Variants in UBE2R2 observed in about 807,000 individuals in gnomAD.
UBE2R2 encodes ubiquitin-conjugating enzyme E2 R2.
UBE2R2 carries 1 observed loss-of-function variant against 27.8 expected under a neutral mutation model. That is an observed-to-expected ratio of 0.04 (90% CI 0.01 to 0.17). The LOEUF is 0.17. Among genes scored for constraint, UBE2R2 ranks in the 10% least tolerant of loss-of-function variants. The pLI is 1.00. For synonymous variants in UBE2R2, 106 were observed against 113.3 expected, an observed-to-expected ratio of 0.94 and a Z score of 0.41; for missense variants, 100 against 291.0, an observed-to-expected ratio of 0.34 and a Z score of 4.78.
intron 1 of UBE2R2, among the ~76,000 whole-genome samples, chr9:33,869,791 AG>A (rs1821445356): frequency 6.6e-6 from 1 of 152,014 alleles, no homozygotes; most frequent in Non-Finnish European, 1.5e-5. Flanking sequence ...TATGCATTTT[AG>A]GGTACATCTT....
rs78944198 is a variant in UBE2R2 at position 33,895,744 on chromosome 9, A to G, written c.265-4430A>G. 4.9e-3 allele frequency among the ~76,000 whole-genome samples: 707 copies of G among 144,940 alleles called. 2 individuals carry two copies. Among genetic ancestry groups the G allele is most frequent in the Non-Finnish European group, 8.2e-3 (542 of 65,948 alleles). ...ACGTACAAGTCTTTTCCCTTCCATG[A>G]CTAGATTTATTCTCTCTCTCTCTCT... is the stretch of plus-strand genomic sequence containing the variant. On this transcript the variant is annotated intron_variant, in intron 2 of 4. Transcript: ENST00000263228.
At chr9:33,851,219 T>C (rs1723216329) in intron 1 of UBE2R2, among the ~76,000 whole-genome samples, 1 of 152,186 alleles carries the variant, frequency 6.6e-6, no homozygotes, top group Non-Finnish European at 1.5e-5. Flanking sequence ...AAAGAACTAT[T>C]TTCCTGAACC....
chr9:33,818,546 A>AAC (rs1554669839), intron 1 of UBE2R2: 10,328 of 145,422 alleles, frequency 0.071, 573 homozygotes, highest in Non-Finnish European at 0.11. Flanking sequence ...AAAAAAAAAA[A>AAC]AAAAAAGGGT....
chr9:33,908,646 T>C (rs1822417351), intron 3 of UBE2R2, among the ~76,000 whole-genome samples: 1 of 152,200 alleles, frequency 6.6e-6, no homozygotes, highest in South Asian at 2.1e-4. Flanking sequence ...TTTTGTTAGA[T>C]ATGGATGATT....
At chr9:33,856,719 TC>T (rs1377996845) in intron 1 of UBE2R2, among the ~76,000 whole-genome samples, 5 of 151,586 alleles carry the variant, frequency 3.3e-5, no homozygotes, top group South Asian at 2.1e-4. Flanking sequence ...TTTTTTTTTT[TC>T]TTTCCATTTT....
intron 2 of UBE2R2, among the ~76,000 whole-genome samples, chr9:33,899,042 GGTTTATAT>G (rs1415633975): frequency 1.3e-5 from 2 of 152,058 alleles, no homozygotes; most frequent in Non-Finnish European, 2.9e-5. Context: ...GCATATTTTT[GGTTTATAT>G]AAGTCATGGT....
rs528398460 is a variant in UBE2R2, at chr9:33,829,003, G to A, written c.177+11069G>A. 2.6e-5 allele frequency among the ~76,000 whole-genome samples: 4 copies of A among 152,208 alleles called. No individual in the cohort carries two copies. In the South Asian group the frequency reaches 8.3e-4, roughly 32 times the overall value. Reference sequence around the variant, plus strand: ...GCCTGCCTCAGCCTCCCAAAGTTCTGGGATTACAAGTGTGAGCCACCATGC... The same window carrying A: ...GCCTGCCTCAGCCTCCCAAAGTTCTAGGATTACAAGTGTGAGCCACCATGC... On this transcript the variant is annotated intron_variant, in intron 1 of 4. Transcript: ENST00000263228.
chr9:33,822,219 G>A (rs1379468942), intron 1 of UBE2R2, among the ~76,000 whole-genome samples: 1 of 151,616 alleles, frequency 6.6e-6, no homozygotes, highest in African/African-American at 2.4e-5. Flanking sequence ...AGCCTCCTGA[G>A]TAGCTGGGAT....
intron 1 of UBE2R2, among the ~76,000 whole-genome samples, chr9:33,824,848 A>G (rs940607774): frequency 1.3e-4 from 20 of 151,966 alleles, no homozygotes; most frequent in African/African-American, 4.1e-4. Flanking sequence ...AAGTCTTGTA[A>G]TTGCCATCAG....
At chr9:33,905,725 C>T (rs1822339018) in intron 3 of UBE2R2, among the ~76,000 whole-genome samples, 1 of 152,180 alleles carries the variant, frequency 6.6e-6, no homozygotes, top group Non-Finnish European at 1.5e-5. Context: ...TATTCTTTGT[C>T]ATGATGTCCT....
At chr9:33,861,732 TGAA>T (rs1821241151) in intron 1 of UBE2R2, among the ~76,000 whole-genome samples, 1 of 152,178 alleles carries the variant, frequency 6.6e-6, no homozygotes, top group Non-Finnish European at 1.5e-5. Flanking sequence ...AAGGTAAACT[TGAA>T]TGTTTTTTGA....
At chr9:33,904,791 G>A (rs1486920298) in intron 3 of UBE2R2, among the ~76,000 whole-genome samples, 2 of 152,182 alleles carry the variant, frequency 1.3e-5, no homozygotes, top group Non-Finnish European at 2.9e-5. Flanking sequence ...TCCTCCCAGA[G>A]GCCCAGGATT....
intron 1 of UBE2R2, among the ~76,000 whole-genome samples, chr9:33,854,322 A>AT (rs536826500): frequency 0.011 from 1,622 of 143,636 alleles, 20 homozygotes; most frequent in African/African-American, 0.035. Flanking sequence ...ATTGTTGAGA[A>AT]TTTTTTTTTT....
At chr9:33,820,036 C>T (rs1164236179) in intron 1 of UBE2R2, among the ~76,000 whole-genome samples, 1 of 152,010 alleles carries the variant, frequency 6.6e-6, no homozygotes, top group Admixed American at 6.6e-5. Flanking sequence ...TTGGTACAAC[C>T]GATATTTAAA....
intron 1 of UBE2R2, among the ~76,000 whole-genome samples, chr9:33,838,202 G>A (rs963143606): frequency 6.6e-6 from 1 of 150,854 alleles, no homozygotes; most frequent in African/African-American, 2.4e-5. Flanking sequence ...TGCCCAGGCT[G>A]GAGTGCAGTG....
In UBE2R2 at chr9:33,856,058, C is replaced by A. The variant is rs140513747; in HGVS notation, c.178-30823C>A. 6.3e-4 allele frequency among the ~76,000 whole-genome samples: 96 copies of A among 152,216 alleles called. 1 individual carries two copies. In the East Asian group the frequency reaches 0.015, roughly 24 times the overall value. ...GGGTGATAGAACCTGCCTCAAAAAA[C>A]CAAACAAAACCTTATACTAGCAGGG... is the stretch of plus-strand genomic sequence containing the variant. On this transcript the variant is annotated intron_variant, in intron 1 of 4. Coordinates refer to ENST00000263228, the MANE Select transcript of UBE2R2 (RefSeq NM_017811.4).
In UBE2R2 at chr9:33,817,832, G is replaced by A. The variant is rs1413331393; in HGVS notation, c.75G>A (p.Val25=). Residue 25 remains valine, a synonymous_variant, in exon 1 of 5, where the codon GTG becomes GTA. Transcript: ENST00000263228. ...TGAAATCCCTGCAGGAGGAACCGGTGGAGGGCTTCCGGATCACCCTGGTGG... is the reference window on the plus strand; with the variant it reads ...TGAAATCCCTGCAGGAGGAACCGGTAGAGGGCTTCCGGATCACCCTGGTGG... ...LELKSLQEEP[V]EGFRITLVDE... is the part of the protein sequence containing the mutation. 6.2e-7 allele frequency: 1 copy of A among 1,613,054 alleles called. No individual in the cohort carries two copies. Among genetic ancestry groups the A allele is most frequent in the East Asian group, 2.2e-5 (1 of 44,674 alleles).
chr9:33,841,108 A>G (rs867203231), intron 1 of UBE2R2, among the ~76,000 whole-genome samples: 1 of 151,540 alleles, frequency 6.6e-6, no homozygotes, highest in Non-Finnish European at 1.5e-5. Flanking sequence ...TTTGAGACGA[A>G]GTCTTGCTTT....
At chr9:33,838,618 G>T (rs1820666471) in intron 1 of UBE2R2, among the ~76,000 whole-genome samples, 1 of 152,032 alleles carries the variant, frequency 6.6e-6, no homozygotes, top group Non-Finnish European at 1.5e-5. Context: ...GAGACAGGTG[G>T]ATTATGGATT....
Sources: allele counts gnomAD v4.1 joint callset (sites outside exome capture counted in the v4.1 genomes callset), GRCh38; gene constraint gnomAD v4.1.1; transcripts MANE v1.5; gene names NCBI Gene and HGNC (gene_info 2026-07-23, HGNC 2026-07-21).